Variants in PRUNE2 observed in about 807,000 individuals in gnomAD.
The protein encoded by PRUNE2 is prune homolog 2 with BCH domain.
A neutral mutation model predicts 252.0 loss-of-function variants in PRUNE2; 164 were observed. The ratio of observed to expected loss-of-function variants is 0.65; its 90% confidence interval spans 0.57 to 0.74. The LOEUF is 0.74. Among genes scored for constraint, PRUNE2 ranks in the 30% least tolerant of loss-of-function variants. The pLI, the probability that PRUNE2 is intolerant of heterozygous loss-of-function variation, is 0.00. For synonymous variants in PRUNE2, 1,292 were observed against 1,350.2 expected (o/e 0.96, Z 0.94); for missense variants, 3,495 against 3,711.0 (o/e 0.94, Z 1.51).
chr9:76,822,965 C>T (rs1245922420), intron 6 of PRUNE2, among the ~76,000 whole-genome samples: 1 of 152,154 alleles, frequency 6.6e-6, no homozygotes, highest in South Asian at 2.1e-4. Context: ...TAAAGAAATA[C>T]ACAGACTTCT....
chr9:76,631,631 T>C (rs11144986), intron 15 of PRUNE2, among the ~76,000 whole-genome samples: 7,922 of 152,340 alleles, frequency 0.052, 463 homozygotes, highest in East Asian at 0.16. Flanking sequence ...AATCGAGCTA[T>C]GTGATTTCCC....
chr9:76,895,933 G>T (rs1362300669), intron 1 of PRUNE2, among the ~76,000 whole-genome samples: 1 of 152,074 alleles, frequency 6.6e-6, no homozygotes, highest in Non-Finnish European at 1.5e-5. Context: ...ACAGGTGTGT[G>T]CCACCACTAA....
At chr9:76,693,556 G>A (rs1374927118) in intron 9 of PRUNE2, among the ~76,000 whole-genome samples, 2 of 149,082 alleles carry the variant, frequency 1.3e-5, no homozygotes, top group Admixed American at 6.8e-5. Flanking sequence ...CGATTCTCCT[G>A]CCTCAGCCTC....
At position 76,682,283 on chromosome 9, in the gene PRUNE2, T is replaced by C. The variant is rs1406173923; in HGVS notation, c.8276+21054A>G. On this transcript the variant is annotated intron_variant, in intron 9 of 18. Transcript: ENST00000376718. ...GAAAACTTACCATATATTTTATATA[T>C]AAAAATAGAATTATATATGATAGAA... Among the ~76,000 whole-genome samples, 4 of 150,970 alleles carry C rather than the reference T, an allele frequency of 2.6e-5. No individual in the cohort carries two copies. In the East Asian group the frequency reaches 7.8e-4, roughly 29 times the overall value.
At chr9:76,672,172 GAC>G (rs999539908) in intron 9 of PRUNE2, among the ~76,000 whole-genome samples, 121 of 150,728 alleles carry the variant, frequency 8.0e-4, no homozygotes, top group African/African-American at 2.7e-3. Flanking sequence ...CACGTGCACA[GAC>G]ACACATAGGC....
At chr9:76,807,082 TAGAC>T (rs1007892097) in intron 6 of PRUNE2, among the ~76,000 whole-genome samples, 3 of 150,962 alleles carry the variant, frequency 2.0e-5, no homozygotes, top group Admixed American at 6.6e-5. Flanking sequence ...CTCTCTCTCT[TAGAC>T]AGGGTCTTGC....
In PRUNE2 at chr9:76,788,537, G is replaced by A. The variant is rs1050788676; in HGVS notation, c.756+35095C>T. The A allele has an allele frequency of 4.2e-5, 30 of 717,106 alleles. No individual in the cohort carries two copies. The African/African-American group carries it at 4.7e-4, about 11-fold the overall frequency. The allele number at this position is 717,106 out of a possible 1,614,324, so 44.4% of individuals were successfully genotyped here. ...GGGAAAAGCTCAATCCTGCTCATCT[G>A]TAAAATGGGGGTGTTGACAACAATG... On this transcript the variant is annotated intron_variant, in intron 6 of 18. Transcript: ENST00000376718.
At chr9:76,788,206 A>ATT in intron 6 of PRUNE2, 1 of 478,742 alleles carries the variant, frequency 2.1e-6, no homozygotes, top group Non-Finnish European at 3.7e-6. Context: ...CTAGGTAATA[A>ATT]TTTCCCTAGT....
chr9:76,644,544 T>G (rs1843969940), intron 12 of PRUNE2, 195 bp downstream of exon 12: 6 of 696,300 alleles, frequency 8.6e-6, no homozygotes, highest in Admixed American at 8.2e-5. Flanking sequence ...GAAAGTTGTC[T>G]TTGCCTAGTA....
chr9:76,631,107 G>C (rs186640491), intron 15 of PRUNE2, among the ~76,000 whole-genome samples: 187 of 152,320 alleles, frequency 1.2e-3, no homozygotes, highest in Non-Finnish European at 2.2e-3. Context: ...AGTAGCTTCT[G>C]TCCCTCCTGA....
chr9:76,791,730 C>A (rs1295396971), intron 6 of PRUNE2, among the ~76,000 whole-genome samples: 1 of 152,128 alleles, frequency 6.6e-6, no homozygotes, highest in Non-Finnish European at 1.5e-5. Flanking sequence ...TGAGGTGATA[C>A]AACTGCATAG....
At chr9:76,631,293 G>A (rs937117043) in intron 15 of PRUNE2, among the ~76,000 whole-genome samples, 7 of 152,078 alleles carry the variant, frequency 4.6e-5, no homozygotes, top group Non-Finnish European at 7.4e-5. Context: ...CTGGAATTTC[G>A]CAGTTCTCTG....
At chr9:76,871,857 G>A (rs569765499) in intron 1 of PRUNE2, among the ~76,000 whole-genome samples, 1 of 152,246 alleles carries the variant, frequency 6.6e-6, no homozygotes, top group South Asian at 2.1e-4. Flanking sequence ...TCAAACTCCT[G>A]GCCTCAAGCA....
rs376136278 is a variant in PRUNE2 at position 76,708,953 on chromosome 9, C to T, written c.3321G>A (p.Thr1107=). The change falls in exon 8 of 19, where the codon ACG becomes ACA. Residue 1107 remains threonine, a synonymous_variant. Transcript: ENST00000376718. ...TCCACAAGTCGAGACTGTCAGGGGC[C>T]GTCTGCCGGGAGTTGGTGCTGCTGT... ...LLHSSTNSRQ[T]APDSLDLWNR... 9 of 1,613,846 alleles carry T rather than the reference C, an allele frequency of 5.6e-6. No individual in the cohort carries two copies. The highest frequency in any genetic ancestry group is 2.2e-5 in the East Asian group (1 of 44,888).
intron 9 of PRUNE2, among the ~76,000 whole-genome samples, chr9:76,682,361 A>AT (rs2043548846): frequency 1.0e-5 from 1 of 99,048 alleles, no homozygotes; most frequent in Non-Finnish European, 2.2e-5. Context: ...ATCACTATTA[A>AT]CTTTTTTTTT....
intron 4 of PRUNE2, among the ~76,000 whole-genome samples, chr9:76,837,215 G>C (rs752757324): frequency 3.3e-5 from 5 of 152,052 alleles, no homozygotes; most frequent in Non-Finnish European, 7.4e-5. Flanking sequence ...AGGCCAAGGC[G>C]GGCGGATCAC....
At chr9:76,752,204 T>G (rs2050690005) in intron 6 of PRUNE2, among the ~76,000 whole-genome samples, 2 of 152,056 alleles carry the variant, frequency 1.3e-5, no homozygotes, top group Admixed American at 6.6e-5. Context: ...TTCACGCCAT[T>G]CTCCTGCCTC....
Position 76,705,912 on chromosome 9 carries a change from A to T in PRUNE2, c.6362T>A (p.Leu2121His). 1 of 1,613,940 alleles carries T rather than the reference A, an allele frequency of 6.2e-7. No homozygotes were observed. Among genetic ancestry groups the T allele is most frequent in the Non-Finnish European group, 8.5e-7 (1 of 1,179,860 alleles). ...CACTTCAGGTCCCATGCAAGCACTG[A>T]GGTGCTTCTCAGTCTCTTGCTTTGC... ...SEAKQETEKH[L>H]SACMGPEVES... Residue 2121 changes from leucine to histidine, a missense_variant, in exon 8 of 19, where the codon CTC (leucine) becomes CAC (histidine). By Grantham distance (99) the Leu-to-His change is moderately conservative. Coordinates refer to ENST00000376718, the MANE Select transcript of PRUNE2 (RefSeq NM_015225.3).
At chr9:76,661,183 G>T (rs1258586019) in intron 9 of PRUNE2, among the ~76,000 whole-genome samples, 1 of 152,126 alleles carries the variant, frequency 6.6e-6, no homozygotes, top group East Asian at 1.9e-4. Context: ...GTGTTGACAA[G>T]AAAGTGGTAT....
Sources: gnomAD v4.1 joint callset for allele counts (sites outside exome capture counted in the v4.1 genomes callset) on GRCh38, gnomAD v4.1.1 for gene constraint, MANE v1.5 for transcripts, NCBI Gene and HGNC (gene_info 2026-07-23, HGNC 2026-07-21) for gene names.